The following ATP11C variants were observed in gnomAD, a reference collection of about 807,000 sequenced individuals.
ATP11C encodes phospholipid-transporting ATPase IG.
Under a neutral mutation model 97.4 loss-of-function variants are expected in ATP11C, and 36 were observed. That is an observed-to-expected ratio of 0.37 (90% CI 0.28 to 0.49). The LOEUF (loss-of-function observed/expected upper bound fraction) is 0.49. Among genes scored for constraint, ATP11C ranks in the 20% least tolerant of loss-of-function variants. The pLI is 0.98. For synonymous variants in ATP11C, 275 were observed against 290.9 expected (o/e 0.95, Z 0.56); for missense variants, 730 against 824.6 (o/e 0.89, Z 1.40).
Position 139,763,337 on chromosome X carries a change from A to G in ATP11C, c.2473T>C (p.Leu825=), listed in dbSNP as rs2082074193. 8.3e-7 allele frequency: 1 copy of G among 1,209,323 alleles called. No individual in the cohort carries two copies. Among genetic ancestry groups the G allele is most frequent in the Non-Finnish European group, 1.1e-6 (1 of 893,097 alleles). ...TTACCTATTCCCACATGGGATTCCA[A>G]GATCATACTAACATCATTGGCACCA... is the stretch of plus-strand genomic sequence containing the variant. ...GDGANDVSMI[L]ESHVGIGIKG... Residue 825 remains leucine (L), a synonymous_variant, in exon 21 of 30, where the codon TTG becomes CTG. Transcript: ENST00000682941.
At chrX:139,821,059 C>A (rs1338059) in intron 2 of ATP11C, among the ~76,000 whole-genome samples, 20,048 of 110,111 alleles carry the variant, frequency 0.18, 3,099 homozygotes, top group African/African-American at 0.5. Context: ...GCACGACATA[C>A]TATATGGGAA....
chrX:139,769,537 G>C (rs965449765), intron 19 of ATP11C, among the ~76,000 whole-genome samples: 1 of 106,740 alleles, frequency 9.4e-6, no homozygotes, highest in African/African-American at 3.4e-5. Context: ...AGAGGTGTTA[G>C]GTGTCAGGAA....
chrX:139,767,416 C>T (rs916490611), intron 20 of ATP11C, among the ~76,000 whole-genome samples: 11 of 111,033 alleles, frequency 9.9e-5, no homozygotes, highest in African/African-American at 2.0e-4. Context: ...GGAGAAGGAT[C>T]AAAGGTAGTT....
intron 1 of ATP11C, among the ~76,000 whole-genome samples, chrX:139,919,496 C>CACACA (rs2085220676): frequency 9.5e-6 from 1 of 104,907 alleles, no homozygotes; most frequent in African/African-American, 3.5e-5. Flanking sequence ...CACACACAAA[C>CACACA]TACTTATTTA....
intron 5 of ATP11C, 98 bp from the exon 6 acceptor site, chrX:139,804,697 C>CTAA: frequency 3.0e-6 from 2 of 668,697 alleles, no homozygotes; most frequent in Non-Finnish European, 4.4e-6. Context: ...TTATCTCTAG[C>CTAA]TCTGGGGCTT....
At chrX:139,873,772 A>T (rs967023779) in intron 1 of ATP11C, among the ~76,000 whole-genome samples, 2 of 86,583 alleles carry the variant, frequency 2.3e-5, no homozygotes, top group East Asian at 5.3e-4. Context: ...ACTACAATTT[A>T]AAAAAAAAAA....
intron 1 of ATP11C, among the ~76,000 whole-genome samples, chrX:139,916,750 A>T (rs890070480): frequency 1.8e-5 from 2 of 111,425 alleles, no homozygotes; most frequent in African/African-American, 6.5e-5. Flanking sequence ...ATTAAAAAAA[A>T]TATATATCCA....
chrX:139,804,583 T>A lies in ATP11C; in HGVS notation c.443A>T (p.Glu148Val). The A allele has an allele frequency of 8.4e-7, 1 of 1,190,662 alleles. No individual in the cohort carries two copies. Among genetic ancestry groups the A allele is most frequent in the Non-Finnish European group, 1.1e-6 (1 of 882,529 alleles). Residue 148 changes from glutamate (E) to valine (V), a missense_variant, in exon 6 of 30, where the codon GAA becomes GTA. Physicochemically the swap from Glu to Val is moderately radical, Grantham distance 121. Coordinates refer to ENST00000682941, the MANE Select transcript of ATP11C (RefSeq NM_001353812.2). ...SEKIKVGDVVEVQADETFPCD... is the reference protein window; with the variant it reads ...SEKIKVGDVVVVQADETFPCD... Reference sequence around the variant, plus strand: ...GGGAAAGGTTTCATCTGCCTGTACTTCTACTACATCACCAACCTGGAATTG... The same window carrying A: ...GGGAAAGGTTTCATCTGCCTGTACTACTACTACATCACCAACCTGGAATTG...
At chrX:139,830,437 G>A (rs895459041) in intron 1 of ATP11C, among the ~76,000 whole-genome samples, 10 of 111,518 alleles carry the variant, frequency 9.0e-5, no homozygotes, top group African/African-American at 3.3e-4. Context: ...TCAGTGTTCC[G>A]TCCAACCATT....
chrX:139,743,705 G>T, intron 25 of ATP11C, 81 bp from the exon 26 acceptor site: 1 of 582,981 alleles, frequency 1.7e-6, no homozygotes, highest in Non-Finnish European at 2.6e-6. Flanking sequence ...AAAAAGCCAA[G>T]TTGAATCCTG....
At chrX:139,748,696 C>G (rs1603341216) in intron 24 of ATP11C, among the ~76,000 whole-genome samples, 1 of 111,701 alleles carries the variant, frequency 9.0e-6, no homozygotes, top group South Asian at 3.7e-4. Context: ...AATATAGGAT[C>G]AGCAGAACAT....
intron 1 of ATP11C, among the ~76,000 whole-genome samples, chrX:139,844,321 A>G (rs764806790): frequency 2.7e-5 from 3 of 112,531 alleles, no homozygotes; most frequent in African/African-American, 6.5e-5. Flanking sequence ...AAGGAGTAGC[A>G]GAGAGTGGAG....
At chrX:139,803,744 G>T (rs2082982189) in intron 6 of ATP11C, among the ~76,000 whole-genome samples, 1 of 81,214 alleles carries the variant, frequency 1.2e-5, no homozygotes. Context: ...TGTCACCTAG[G>T]CTGGAGTGCA....
At chrX:139,861,771 C>CAT (rs778075487) in intron 1 of ATP11C, among the ~76,000 whole-genome samples, 1 of 71,855 alleles carries the variant, frequency 1.4e-5, no homozygotes, top group Non-Finnish European at 2.2e-5. Flanking sequence ...TCCTGTTATA[C>CAT]ACACACACAC....
intron 1 of ATP11C, among the ~76,000 whole-genome samples, chrX:139,844,345 C>T (rs1222894054): frequency 8.9e-6 from 1 of 112,166 alleles, no homozygotes; most frequent in African/African-American, 3.2e-5. Context: ...TCTGGGTAAG[C>T]ACTAGACTGG....
intron 18 of ATP11C, among the ~76,000 whole-genome samples, chrX:139,776,021 G>T (rs183512495): frequency 5.3e-5 from 6 of 112,413 alleles, no homozygotes; most frequent in Non-Finnish European, 1.1e-4. Context: ...CTGCCCCTAA[G>T]GGGGAGGTAA....
chrX:139,829,816 A>C (rs1395953041), intron 1 of ATP11C, among the ~76,000 whole-genome samples: 1 of 111,599 alleles, frequency 9.0e-6, no homozygotes, highest in Non-Finnish European at 1.9e-5. Context: ...TTGTACTCCT[A>C]ATTTATACCT....
intron 1 of ATP11C, among the ~76,000 whole-genome samples, chrX:139,926,379 G>A (rs1006561563): frequency 9.0e-6 from 1 of 111,474 alleles, no homozygotes; most frequent in Non-Finnish European, 1.9e-5. Context: ...GACAAGCAAT[G>A]AGCCTTGATT....
intron 1 of ATP11C, among the ~76,000 whole-genome samples, chrX:139,864,097 G>A (rs1203499010): frequency 9.0e-6 from 1 of 111,392 alleles, no homozygotes. Flanking sequence ...AAAACGAAAA[G>A]AGTATTAGCA....
Sources: gnomAD v4.1 joint callset for allele counts (sites outside exome capture counted in the v4.1 genomes callset) on GRCh38, gnomAD v4.1.1 for gene constraint, MANE v1.5 for transcripts, NCBI Gene and HGNC (gene_info 2026-07-23, HGNC 2026-07-21) for gene names.